TYW1B: variants seen among roughly 807,000 people sequenced by gnomAD.
TYW1B encodes the protein tRNA-yW synthesizing protein 1 homolog B, also known as S-adenosyl-L-methionine-dependent tRNA 4-demethylwyosine synthase TYW1B.
TYW1B carries 73 observed loss-of-function variants against 86.9 expected under a neutral mutation model. The ratio of observed to expected loss-of-function variants is 0.84; its 90% CI spans 0.70 to 1.02. TYW1B has a LOEUF of 1.02. Among genes scored for constraint, TYW1B ranks in the 50% least tolerant of loss-of-function variants. The pLI, the probability that TYW1B is intolerant of heterozygous loss-of-function variation, is 0.00. For synonymous variants in TYW1B, 248 were observed against 292.8 expected (o/e 0.85, Z 1.56); for missense variants, 637 against 827.4 (o/e 0.77, Z 2.82).
At chr7:72,675,583 A>C (rs545577533) in intron 11 of TYW1B, among the ~76,000 whole-genome samples, 1 of 148,884 alleles carries the variant, frequency 6.7e-6, no homozygotes, top group African/African-American at 2.4e-5. Flanking sequence ...ACACACACAC[A>C]TATATATATA....
At chr7:72,639,412 C>T (rs1386983327) in intron 11 of TYW1B, among the ~76,000 whole-genome samples, 1 of 152,106 alleles carries the variant, frequency 6.6e-6, no homozygotes, top group African/African-American at 2.4e-5. Flanking sequence ...AGTGATCCTC[C>T]TACCTTGAAC....
At chr7:72,586,004 G>A (rs1420994040) in intron 13 of TYW1B, among the ~76,000 whole-genome samples, 10 of 152,116 alleles carry the variant, frequency 6.6e-5, no homozygotes, top group East Asian at 5.8e-4. Context: ...ATTCACCAGC[G>A]CAAAGTTCAG....
At chr7:72,664,068 A>G (rs1252289041) in intron 11 of TYW1B, among the ~76,000 whole-genome samples, 2 of 151,996 alleles carry the variant, frequency 1.3e-5, no homozygotes, top group Non-Finnish European at 2.9e-5. Context: ...CAACAGACCA[A>G]CAACCCTCCC....
At chr7:72,818,264 A>AT (rs782228466) in intron 2 of TYW1B, among the ~76,000 whole-genome samples, 4 of 151,780 alleles carry the variant, frequency 2.6e-5, no homozygotes, top group African/African-American at 4.8e-5. Context: ...AAATCACAGT[A>AT]TTAGTCCATT....
chr7:72,688,741 G>A (rs1284963493), intron 11 of TYW1B, among the ~76,000 whole-genome samples: 1 of 152,086 alleles, frequency 6.6e-6, no homozygotes, highest in African/African-American at 2.4e-5. Flanking sequence ...ATGTTCTCCT[G>A]AGTCTCCAAA....
In TYW1B at chr7:72,648,748, C is replaced by T. The variant is rs781962356; in HGVS notation, c.1507-19751G>A. ...AGAAAAACAGAGCTTGACATCCACC[C>T]GGCAACTTGGTTAGTGTGCAGGAAG... On this transcript the variant is annotated intron_variant, in intron 11 of 13. Transcript: ENST00000620995. Among the ~76,000 whole-genome samples, 28 of 152,112 alleles carry T rather than the reference C, an allele frequency of 1.8e-4. No homozygotes were observed. The South Asian group carries it at 1.9e-3, about 10-fold the overall frequency.
chr7:72,809,623 G>A (rs1454906644), intron 4 of TYW1B, among the ~76,000 whole-genome samples: 6 of 152,008 alleles, frequency 3.9e-5, no homozygotes, highest in African/African-American at 1.4e-4. Context: ...CTGCATTCCA[G>A]CCTGGATGAC....
chr7:72,759,490 T>C (rs1275213186), intron 7 of TYW1B, among the ~76,000 whole-genome samples: 1 of 152,208 alleles, frequency 6.6e-6, no homozygotes, highest in East Asian at 1.9e-4. Context: ...CCCAGGACTA[T>C]AGAAGGCTAT....
chr7:72,743,554 G>A (rs1382932230), intron 8 of TYW1B, among the ~76,000 whole-genome samples: 1 of 151,986 alleles, frequency 6.6e-6, no homozygotes, highest in African/African-American at 2.4e-5. Context: ...GAAAGAAATG[G>A]GTTAGTAGGC....
intron 10 of TYW1B, 65 bp downstream of exon 10, chr7:72,713,556 A>G (rs1472440080): frequency 1.4e-6 from 2 of 1,438,594 alleles, no homozygotes; most frequent in African/African-American, 1.4e-5. Context: ...ATTAATGCCT[A>G]TTAGTTTTAC....
rs560682453 is a variant in TYW1B, at chr7:72,669,304, C to T, written c.1506+25383G>A. ...AGATCACAGGCGCCTGCCACCACGC[C>T]CGGCTAATTTTTTGTGTTTTTAGTA... On this transcript the variant is annotated intron_variant, in intron 11 of 13. Transcript: ENST00000620995. Among the ~76,000 whole-genome samples the T allele has an allele frequency of 1.7e-4, 26 of 151,838 alleles. 2 individuals carry two copies. The South Asian group carries it at 5.2e-3, about 30-fold the overall frequency.
intron 13 of TYW1B, among the ~76,000 whole-genome samples, chr7:72,593,537 A>C (rs1554431963): frequency 6.6e-6 from 1 of 151,940 alleles, no homozygotes; most frequent in Non-Finnish European, 1.5e-5. Context: ...AAATCAATAA[A>C]CGAGGCCAGG....
At chr7:72,724,164 C>T (rs1452013944) in intron 9 of TYW1B, among the ~76,000 whole-genome samples, 1 of 152,102 alleles carries the variant, frequency 6.6e-6, no homozygotes, top group African/African-American at 2.4e-5. Flanking sequence ...ATCTCTCATT[C>T]ATTGTGAAAA....
chr7:72,717,066 C>A (rs1454341808), intron 9 of TYW1B, among the ~76,000 whole-genome samples: 2 of 151,836 alleles, frequency 1.3e-5, no homozygotes, highest in Admixed American at 1.3e-4. Context: ...TTAGTGATGC[C>A]GAGATGGGTG....
At chr7:72,608,723 C>A (rs1191205757) in intron 13 of TYW1B, among the ~76,000 whole-genome samples, 1 of 152,130 alleles carries the variant, frequency 6.6e-6, no homozygotes, top group Non-Finnish European at 1.5e-5. Flanking sequence ...AAAAGAAAGT[C>A]GAAGTGGCTC....
intron 7 of TYW1B, among the ~76,000 whole-genome samples, chr7:72,745,174 G>C (rs543972215): frequency 6.6e-6 from 1 of 152,118 alleles, no homozygotes; most frequent in African/African-American, 2.4e-5. Context: ...ATGGGTGTGA[G>C]CCACCATGCC....
intron 7 of TYW1B, among the ~76,000 whole-genome samples, chr7:72,760,212 T>C (rs1359547111): frequency 6.6e-6 from 1 of 152,246 alleles, no homozygotes; most frequent in African/African-American, 2.4e-5. Flanking sequence ...AGCTATTATG[T>C]AAATGTTGAA....
chr7:72,786,731 C>T (rs565306353), intron 6 of TYW1B, among the ~76,000 whole-genome samples: 1 of 151,956 alleles, frequency 6.6e-6, no homozygotes, highest in South Asian at 2.1e-4. Flanking sequence ...CGCACCATCA[C>T]GCCAAGCTAA....
intron 7 of TYW1B, among the ~76,000 whole-genome samples, chr7:72,755,534 G>A (rs374265238): frequency 5.1e-4 from 77 of 152,274 alleles, no homozygotes; most frequent in Middle Eastern, 6.8e-3. Flanking sequence ...ATGTTAGCCA[G>A]GCGTGGTGGT....
Sources: gnomAD v4.1 joint callset for allele counts (sites outside exome capture counted in the v4.1 genomes callset) on GRCh38, gnomAD v4.1.1 for gene constraint, MANE v1.5 for transcripts, NCBI Gene and HGNC (gene_info 2026-07-23, HGNC 2026-07-21) for gene names.